CDC25C: variants seen among roughly 807,000 people sequenced by gnomAD.
The protein encoded by CDC25C is M-phase inducer phosphatase 3.
In CDC25C, 48 loss-of-function variants were observed where a neutral mutation model predicts 52.5. That is an observed-to-expected ratio of 0.91 (90% CI 0.72 to 1.16). The LOEUF (loss-of-function observed/expected upper bound fraction) is 1.16, where lower values mean the gene tolerates loss of function less well. Among genes scored for constraint, CDC25C ranks in the 50% most tolerant of loss-of-function variants. The pLI is 0.00. For missense variants in CDC25C, 510 were observed against 566.1 expected (o/e 0.90, Z 1.01); for synonymous variants, 187 against 206.5 (o/e 0.91, Z 0.81).
chr5:138,329,456 T>C, intron 3 of CDC25C, 97 bp downstream of exon 3: 1 of 816,392 alleles, frequency 1.2e-6, no homozygotes, highest in Non-Finnish European at 2.0e-6. Flanking sequence ...GCAGATTCTT[T>C]TTATACTTTC....
chr5:138,336,143 T>A (rs1760689646), upstream of CDC25C, among the ~76,000 whole-genome samples: 1 of 151,634 alleles, frequency 6.6e-6, no homozygotes, highest in African/African-American at 2.4e-5. Flanking sequence ...TTGTTTTTTT[T>A]TTTTTTTGAG....
chr5:138,302,612 T>C, intron 7 of CDC25C, among the ~76,000 whole-genome samples: 1 of 151,600 alleles, frequency 6.6e-6, no homozygotes, highest in South Asian at 2.1e-4. Flanking sequence ...GGCAGGAGAA[T>C]CGCTTGAACC....
Position 138,292,130 on chromosome 5 carries a change from T to C in CDC25C, c.616-14A>G. The C allele has an allele frequency of 6.2e-7, 1 of 1,607,840 alleles. No individual in the cohort carries two copies. Among genetic ancestry groups the C allele is most frequent in the African/African-American group, 1.3e-5 (1 of 74,802 alleles). ...ACTTCTGCTCACCTGTTTGGGAATATTAAACCCCCTAGTTCTTACTCCTCC... is the reference window on the plus strand; with the variant it reads ...ACTTCTGCTCACCTGTTTGGGAATACTAAACCCCCTAGTTCTTACTCCTCC... On this transcript the variant is annotated splice_polypyrimidine_tract_variant and intron_variant, in intron 7 of 13. Transcript: ENST00000323760.
rs1760335728 is a variant in CDC25C, at chr5:138,331,073, G to A, written c.108C>T (p.Asp36=). ...RKMLNLLLER[D]TSFTVCPDVP... ...CATCTGGACAGACGGTAAAGGAAGT[G>A]TCTCTCTCCAGGAGCAGGTTTAACA... is the stretch of plus-strand genomic sequence containing the variant. The change falls in exon 2 of 14, where the codon GAC becomes GAT. Residue 36 remains aspartate, a synonymous_variant. Coordinates refer to ENST00000323760, the MANE Select transcript of CDC25C (RefSeq NM_001790.5). The A allele has an allele frequency of 6.2e-7, 1 of 1,614,014 alleles. No homozygotes were observed. Among genetic ancestry groups the A allele is most frequent in the Non-Finnish European group, 8.5e-7 (1 of 1,179,964 alleles).
Position 138,326,543 on chromosome 5 carries a change from G to A in CDC25C, c.336-489C>T, listed in dbSNP as rs560708727. Among the ~76,000 whole-genome samples the A allele has an allele frequency of 2.3e-4, 35 of 152,096 alleles. No homozygotes were observed. In the South Asian group the frequency reaches 6.2e-3, roughly 27 times the overall value. ...TTTTTAGTAGAGATGGGGTTTCACC[G>A]TGTTAGCCAGGACGGTCTTGATCTC... On this transcript the variant is annotated intron_variant, in intron 4 of 13. Transcript: ENST00000323760.
intron 6 of CDC25C, among the ~76,000 whole-genome samples, chr5:138,319,607 G>A (rs1414702753): frequency 6.6e-6 from 1 of 152,076 alleles, no homozygotes; most frequent in East Asian, 1.9e-4. Flanking sequence ...GAATGAAAAG[G>A]CAACCCACAA....
chr5:138,310,963 GT>G (rs1356964079), intron 7 of CDC25C, among the ~76,000 whole-genome samples: 1 of 152,232 alleles, frequency 6.6e-6, no homozygotes, highest in Non-Finnish European at 1.5e-5. Context: ...AGTAAACAGT[GT>G]GGCACTGGCA....
At chr5:138,330,902 G>A (rs1760318821) in intron 2 of CDC25C, 85 bp downstream of exon 2, 2 of 944,650 alleles carry the variant, frequency 2.1e-6, no homozygotes, top group Admixed American at 3.8e-5. Flanking sequence ...CTTTGAGCCG[G>A]GATAATTGAA....
chr5:138,319,705 CAAT>C (rs1407155391), intron 6 of CDC25C, among the ~76,000 whole-genome samples: 5 of 152,118 alleles, frequency 3.3e-5, no homozygotes, highest in Admixed American at 3.3e-4. Context: ...GTAACAACAA[CAAT>C]AACAATCAAA....
At position 138,293,821 on chromosome 5, in the gene CDC25C, A is replaced by G. The variant is rs1372727710; in HGVS notation, c.616-1705T>C. Among the ~76,000 whole-genome samples the G allele has an allele frequency of 2.0e-5, 3 of 151,516 alleles. No homozygotes were observed. The East Asian group carries it at 5.8e-4, about 30-fold the overall frequency. On this transcript the variant is annotated intron_variant, in intron 7 of 13. Transcript: ENST00000323760. ...ATCACCATGCCCAGCCAATTTCTGT[A>G]TTTTTTATAGAGAGAGGGTTTTACC...
chr5:138,331,543 G>T, intron 1 of CDC25C, 52 bp downstream of exon 1: 1 of 1,073,988 alleles, frequency 9.3e-7, no homozygotes, highest in Non-Finnish European at 1.1e-6. Context: ...TGGACCCTAA[G>T]GGGGACAATG....
At chr5:138,328,854 G>GAAACATTCCTTTTGGAATATTTCATATA in intron 3 of CDC25C, 1 of 220,430 alleles carries the variant, frequency 4.5e-6, no homozygotes, top group East Asian at 1.0e-4. Flanking sequence ...GTTAACTTAT[G>GAAACATTCCTTTTGGAATATTTCATATA]AAACATTCCT....
rs552736503 is a variant in CDC25C at position 138,288,200 on chromosome 5, C to T, written c.928-933G>A. On this transcript the variant is annotated intron_variant, in intron 10 of 13. Coordinates refer to ENST00000323760, the MANE Select transcript of CDC25C (RefSeq NM_001790.5). ...AAGCAATTCTCCTGCCTCAGCCTCC[C>T]GAGTAGCTGGGATTACAGGCATGCG... 2.3e-3 allele frequency among the ~76,000 whole-genome samples: 356 copies of T among 152,142 alleles called. 1 individual carries two copies. Among genetic ancestry groups the T allele is most frequent in the African/African-American group, 7.7e-3 (318 of 41,538 alleles).
chr5:138,331,011 G>A lies in CDC25C; in HGVS notation c.170C>T (p.Ser57Phe). The change falls in exon 2 of 14, where the codon TCT becomes TTT. Residue 57 changes from serine (S) to phenylalanine (F), a missense_variant. Ser to Phe is a radical substitution (Grantham distance 155, BLOSUM62 -2). Transcript: ENST00000323760. ...CCCAGACAAAATGCTTAGGTTTGCA[G>A]AATCACCAAGAAATTTGCCCACTGG... ...RTPVGKFLGDSANLSILSGGT... is the reference protein window; with the variant it reads ...RTPVGKFLGDFANLSILSGGT... 1 of 1,613,124 alleles carries A rather than the reference G, an allele frequency of 6.2e-7. No homozygotes were observed. Among genetic ancestry groups the A allele is most frequent in the Non-Finnish European group, 8.5e-7 (1 of 1,179,040 alleles).
At chr5:138,328,844 G>T (rs116807125) in intron 3 of CDC25C, 445 of 231,062 alleles carry the variant, frequency 1.9e-3, no homozygotes, top group Non-Finnish European at 2.7e-3. Flanking sequence ...ATTCTGGAAG[G>T]TTAACTTATG....
intron 7 of CDC25C, among the ~76,000 whole-genome samples, chr5:138,299,464 C>G (rs1266673230): frequency 1.4e-5 from 2 of 144,968 alleles, no homozygotes; most frequent in Non-Finnish European, 3.0e-5. Context: ...CCACTGCCCT[C>G]CAGCCTGGGG....
At chr5:138,306,039 G>A (rs1757979971) in intron 7 of CDC25C, among the ~76,000 whole-genome samples, 2 of 152,178 alleles carry the variant, frequency 1.3e-5, no homozygotes, top group Non-Finnish European at 2.9e-5. Context: ...TGCCAGTAAC[G>A]GTGGCATTGA....
chr5:138,326,808 C>T (rs1458888776), intron 4 of CDC25C, among the ~76,000 whole-genome samples: 1 of 151,852 alleles, frequency 6.6e-6, no homozygotes, highest in Non-Finnish European at 1.5e-5. Flanking sequence ...CAAAATTAGC[C>T]AGGCATGGTG....
intron 7 of CDC25C, among the ~76,000 whole-genome samples, chr5:138,297,091 T>C (rs1002415108): frequency 3.3e-5 from 5 of 150,362 alleles, no homozygotes; most frequent in African/African-American, 4.9e-5. Context: ...TTTTGTATTT[T>C]TAGTAGAGAC....
Sources: gnomAD v4.1 joint callset for allele counts (sites outside exome capture counted in the v4.1 genomes callset) on GRCh38, gnomAD v4.1.1 for gene constraint, MANE v1.5 for transcripts, NCBI Gene and HGNC (gene_info 2026-07-23, HGNC 2026-07-21) for gene names.